CSMD1: variants seen among roughly 807,000 people sequenced by gnomAD.
CSMD1 encodes CUB and sushi domain-containing protein 1.
In CSMD1, 213 loss-of-function variants were observed where a neutral mutation model predicts 417.5. The observed-to-expected ratio is 0.51, with a 90% confidence interval of 0.46 to 0.57. The LOEUF is 0.57. Among genes scored for constraint, CSMD1 ranks in the 20% least tolerant of loss-of-function variants. The pLI is 0.00. For synonymous variants in CSMD1, 2,862 were observed against 1,736.8 expected (o/e 1.65, Z -16.11); for missense variants, 6,923 against 4,529.7 (o/e 1.53, Z -15.17).
intron 5 of CSMD1, among the ~76,000 whole-genome samples, chr8:3,858,878 A>C (rs1430854892): frequency 6.6e-6 from 1 of 152,154 alleles, no homozygotes; most frequent in Non-Finnish European, 1.5e-5. Context: ...GATCAGGTTT[A>C]TCGTGACAAT....
At chr8:3,624,964 A>G (rs1172732516) in intron 7 of CSMD1, among the ~76,000 whole-genome samples, 14 of 152,216 alleles carry the variant, frequency 9.2e-5, no homozygotes, top group Admixed American at 9.2e-4. Context: ...TTAGATGACA[A>G]TTTGAACAAT....
At chr8:3,428,438 A>T (rs565523934) in intron 12 of CSMD1, among the ~76,000 whole-genome samples, 3 of 152,208 alleles carry the variant, frequency 2.0e-5, no homozygotes, top group Non-Finnish European at 4.4e-5. Context: ...ACTGTCAAGA[A>T]TATTAAATCA....
chr8:4,734,853 G>C (rs149177743), intron 1 of CSMD1, among the ~76,000 whole-genome samples: 2 of 152,242 alleles, frequency 1.3e-5, no homozygotes, highest in African/African-American at 4.8e-5. Context: ...ACTCTCCTTG[G>C]TGAAGATTCC....
rs558249809 is a variant in CSMD1 at position 3,434,062 on chromosome 8, T to C, written c.1562-24457A>G. On this transcript the variant is annotated intron_variant, in intron 12 of 69. Coordinates refer to ENST00000635120, the MANE Select transcript of CSMD1 (RefSeq NM_033225.6). The stretch of plus-strand genomic sequence containing the variant: ...TCGCATCATTCCTGGCATTCTTTGA[T>C]TATGAGACCTGAGGTCTTAGTAGCA... Among the ~76,000 whole-genome samples the C allele has an allele frequency of 2.6e-5, 4 of 152,360 alleles. No homozygotes were observed. In the East Asian group the frequency reaches 7.7e-4, roughly 29 times the overall value.
chr8:4,177,529 A>G (rs367928546), intron 3 of CSMD1, among the ~76,000 whole-genome samples: 20 of 152,234 alleles, frequency 1.3e-4, no homozygotes, highest in African/African-American at 4.3e-4. Context: ...AACTAGAAAA[A>G]CAAGAGCAAA....
intron 3 of CSMD1, among the ~76,000 whole-genome samples, chr8:4,135,535 T>C (rs1439318669): frequency 6.6e-6 from 1 of 152,202 alleles, no homozygotes; most frequent in Non-Finnish European, 1.5e-5. Flanking sequence ...AAAACAGTTA[T>C]GTTTCAGATT....
intron 21 of CSMD1, among the ~76,000 whole-genome samples, chr8:3,354,465 GAAA>G (rs1808609920): frequency 7.0e-6 from 1 of 143,584 alleles, no homozygotes; most frequent in Non-Finnish European, 1.5e-5. Flanking sequence ...AACAGAAACA[GAAA>G]GTCTACCTTT....
chr8:3,716,489 G>A (rs998958036), intron 6 of CSMD1, among the ~76,000 whole-genome samples: 12 of 152,130 alleles, frequency 7.9e-5, no homozygotes, highest in African/African-American at 2.7e-4. Context: ...TGCTGCATTC[G>A]TAAACTGTAA....
intron 1 of CSMD1, among the ~76,000 whole-genome samples, chr8:4,735,723 T>C (rs545711295): frequency 3.4e-4 from 51 of 152,214 alleles, no homozygotes; most frequent in Admixed American, 2.3e-3. Context: ...CTCCCTAATA[T>C]CTCCCTAATA....
intron 3 of CSMD1, among the ~76,000 whole-genome samples, chr8:4,160,189 A>C (rs1797068106): frequency 6.6e-6 from 1 of 152,162 alleles, no homozygotes; most frequent in African/African-American, 2.4e-5. Context: ...AAGGGGAAGT[A>C]TTTGTCTTTT....
Position 2,954,279 on chromosome 8 carries a change from A to T in CSMD1, c.9995-11T>A. 1 of 1,416,402 alleles carries T rather than the reference A, an allele frequency of 7.1e-7. No individual in the cohort carries two copies. The highest frequency in any genetic ancestry group is 9.6e-7 in the Non-Finnish European group (1 of 1,043,458). 87.7% of individuals were successfully genotyped at this position (1,416,402 alleles called of 1,614,324 possible). A position where few individuals can be genotyped will look rare whatever the true frequency, so the allele number is the denominator to read the frequency against. On this transcript the variant is annotated splice_polypyrimidine_tract_variant and intron_variant, in intron 64 of 69. Coordinates refer to ENST00000635120, the MANE Select transcript of CSMD1 (RefSeq NM_033225.6). ...CTCTCACTCCTTTACCTACAAGTAA[A>T]AAGACAAATTATCATTTTAAAAAAA...
At position 4,372,214 on chromosome 8, in the gene CSMD1, A is replaced by G. The variant is rs566823332; in HGVS notation, c.415+47739T>C. Among the ~76,000 whole-genome samples the G allele has an allele frequency of 8.5e-5, 13 of 152,356 alleles. No homozygotes were observed. In the East Asian group the frequency reaches 2.5e-3, roughly 29 times the overall value. The stretch of plus-strand genomic sequence containing the variant: ...AGTATTAGCCATTAAGGTATAAGCT[A>G]AAGCAGGAAAAAGTAAAACTTTATA... On this transcript the variant is annotated intron_variant, in intron 3 of 69. Transcript: ENST00000635120.
chr8:4,316,292 C>T (rs1798925737), intron 3 of CSMD1, among the ~76,000 whole-genome samples: 1 of 152,114 alleles, frequency 6.6e-6, no homozygotes, highest in Admixed American at 6.6e-5. Context: ...TGTAAGATAT[C>T]TCAAGGAATG....
At chr8:3,999,877 G>A (rs1184923056) in intron 4 of CSMD1, among the ~76,000 whole-genome samples, 1 of 152,140 alleles carries the variant, frequency 6.6e-6, no homozygotes, top group Non-Finnish European at 1.5e-5. Flanking sequence ...TGTGGAAAGG[G>A]CTGCCCATGT....
At position 3,410,290 on chromosome 8, in the gene CSMD1, G is replaced by T. The variant is rs140271089; in HGVS notation, c.1562-685C>A. On this transcript the variant is annotated intron_variant, in intron 12 of 69. Transcript: ENST00000635120. The stretch of plus-strand genomic sequence containing the variant: ...TAAAAGACTATTTTTGAGAGCCACT[G>T]TGTGTCAGGTCCTGTTCTAGGTAAG... Among the ~76,000 whole-genome samples the T allele has an allele frequency of 2.3e-3, 350 of 152,272 alleles. 5 individuals are homozygous for T. The highest frequency in any genetic ancestry group is 1.6e-3 in the Non-Finnish European group (108 of 68,036).
intron 2 of CSMD1, among the ~76,000 whole-genome samples, chr8:4,586,023 T>C (rs1228469767): frequency 6.6e-6 from 1 of 152,192 alleles, no homozygotes; most frequent in African/African-American, 2.4e-5. Flanking sequence ...ACCTTTTTCA[T>C]TATTATGCGC....
intron 5 of CSMD1, among the ~76,000 whole-genome samples, chr8:3,995,686 G>C (rs1429327685): frequency 6.6e-6 from 1 of 152,194 alleles, no homozygotes; most frequent in Non-Finnish European, 1.5e-5. Flanking sequence ...AGAGACAATA[G>C]TAGACAATAG....
chr8:4,642,080 T>C (rs192291564), intron 1 of CSMD1, among the ~76,000 whole-genome samples: 1 of 152,226 alleles, frequency 6.6e-6, no homozygotes, highest in Non-Finnish European at 1.5e-5. Context: ...GCTTTGGAGG[T>C]GACCTGGTCA....
At chr8:4,798,317 C>T (rs1048798060) in intron 1 of CSMD1, among the ~76,000 whole-genome samples, 1 of 152,140 alleles carries the variant, frequency 6.6e-6, no homozygotes, top group East Asian at 1.9e-4. Flanking sequence ...TAGCTTCATC[C>T]ATGTCCCTAC....
Sources: allele counts gnomAD v4.1 joint callset (sites outside exome capture counted in the v4.1 genomes callset), GRCh38; gene constraint gnomAD v4.1.1; transcripts MANE v1.5; gene names NCBI Gene and HGNC (gene_info 2026-07-23, HGNC 2026-07-21).